NAV2: variants seen among roughly 807,000 people sequenced by gnomAD.
The protein encoded by NAV2 is neuron navigator 2.
Under a neutral mutation model 223.2 loss-of-function variants are expected in NAV2, and 54 were observed. The observed-to-expected ratio is 0.24, with a 90% CI of 0.19 to 0.30. The LOEUF is 0.30. NAV2 is among the 10% of genes least tolerant of loss of function. The pLI is 1.00. For missense variants in NAV2, 2,806 were observed against 3,147.5 expected, an observed-to-expected ratio of 0.89 and a Z score of 2.60; for synonymous variants, 1,279 against 1,239.3, an observed-to-expected ratio of 1.03 and a Z score of -0.67.
At chr11:19,699,462 A>G (rs1472113428) in intron 1 of NAV2, among the ~76,000 whole-genome samples, 2 of 151,896 alleles carry the variant, frequency 1.3e-5, no homozygotes, top group Admixed American at 1.3e-4. Flanking sequence ...TTACTTATGG[A>G]TTTTGAAGAG....
At position 19,945,569 on chromosome 11, in the gene NAV2, T is replaced by G. The variant is rs372080986; in HGVS notation, c.2147-832T>G. Among the ~76,000 whole-genome samples the G allele has an allele frequency of 2.2e-4, 34 of 152,318 alleles. 1 individual carries two copies. The South Asian group carries it at 6.8e-3, about 31-fold the overall frequency. On this transcript the variant is annotated intron_variant, in intron 8 of 37. Transcript: ENST00000349880. ...CATGTTTCCCAGGCTGGTCTTGAAC[T>G]CCTGGGCTCAAGCGATCTGCCCACT...
Position 20,045,641 on chromosome 11 carries a change from C to T in NAV2, c.3873C>T (p.Tyr1291=). ...AQTSLQPGAK[Y]PDVASPTLRR... is the part of the protein sequence containing the mutation. ...CCAGTCTCCAGCCTGGAGCCAAGTA[C>T]CCAGATGTGGCCTCTCCCACACTCC... The change falls in exon 14 of 38, where the codon TAC becomes TAT. Residue 1291 remains tyrosine, a synonymous_variant. Coordinates refer to ENST00000349880, the MANE Select transcript of NAV2 (RefSeq NM_145117.5). 1.9e-6 allele frequency: 3 copies of T among 1,614,084 alleles called. No homozygotes were observed. The highest frequency in any genetic ancestry group is 1.7e-6 in the Non-Finnish European group (2 of 1,179,974).
chr11:19,385,753 CTTTTTTTTTTTT>C (rs201669772), intron 1 of NAV2, among the ~76,000 whole-genome samples: 114 of 112,712 alleles, frequency 1.0e-3, no homozygotes, highest in Middle Eastern at 5.0e-3. Flanking sequence ...AATATAGCTC[CTTTTTTTTTTTT>C]TTTTTTTTTT....
At chr11:19,506,615 TAG>T (rs1389358706) in intron 1 of NAV2, 1 of 151,962 alleles carries the variant, frequency 6.6e-6, no homozygotes, top group Non-Finnish European at 1.5e-5. Context: ...GCCATATTTG[TAG>T]AGTTAGGAGT....
At chr11:19,655,251 A>G (rs867547659) in intron 1 of NAV2, among the ~76,000 whole-genome samples, 58 of 152,306 alleles carry the variant, frequency 3.8e-4, no homozygotes, top group Admixed American at 5.2e-4. Context: ...AACAGGTGCT[A>G]GAGAGGATGT....
chr11:19,614,887 T>A (rs1031352398), intron 1 of NAV2, among the ~76,000 whole-genome samples: 1 of 152,198 alleles, frequency 6.6e-6, no homozygotes, highest in African/African-American at 2.4e-5. Context: ...GTTTTCTGGA[T>A]CTTTTCCTTA....
chr11:19,770,715 A>T (rs1180008866), intron 1 of NAV2, among the ~76,000 whole-genome samples: 1 of 152,118 alleles, frequency 6.6e-6, no homozygotes, highest in African/African-American at 2.4e-5. Flanking sequence ...TCATTCATTC[A>T]TCCTGAAACT....
intron 2 of NAV2, among the ~76,000 whole-genome samples, chr11:19,840,486 A>G (rs997465453): frequency 1.3e-5 from 2 of 152,222 alleles, no homozygotes; most frequent in African/African-American, 2.4e-5. Flanking sequence ...CCTAATGCTG[A>G]ACTGGGTATT....
At chr11:19,505,873 G>A (rs961408121) in intron 1 of NAV2, 27 of 152,202 alleles carry the variant, frequency 1.8e-4, no homozygotes, top group African/African-American at 6.0e-4. Context: ...GGCAGCAAAG[G>A]TGAGACACAA....
At chr11:19,797,069 C>T (rs10833172) in intron 1 of NAV2, among the ~76,000 whole-genome samples, 2 of 151,914 alleles carry the variant, frequency 1.3e-5, no homozygotes, top group Non-Finnish European at 2.9e-5. Flanking sequence ...ACTGGCCCCC[C>T]ACACGGGTTT....
At chr11:19,735,320 G>T (rs1029046901) in intron 1 of NAV2, among the ~76,000 whole-genome samples, 1 of 152,174 alleles carries the variant, frequency 6.6e-6, no homozygotes, top group African/African-American at 2.4e-5. Flanking sequence ...CCAGAAAAAT[G>T]GGTGGTACTA....
chr11:19,407,596 T>G lies in NAV2; in HGVS notation c.75+56569T>G, dbSNP rs144926777. On this transcript the variant is annotated intron_variant, in intron 1 of 37. Transcript: ENST00000360655. Reference sequence around the variant, plus strand: ...ATTTTGGAGATATCTCTGTGGCTGCTGTGTAGAGACTGGAGCCAGCCACTG... The same window carrying G: ...ATTTTGGAGATATCTCTGTGGCTGCGGTGTAGAGACTGGAGCCAGCCACTG... Among the ~76,000 whole-genome samples the G allele has an allele frequency of 5.5e-3, 842 of 152,246 alleles. 14 individuals carry two copies. The highest frequency in any genetic ancestry group is 5.2e-3 in the Non-Finnish European group (353 of 68,000).
intron 12 of NAV2, among the ~76,000 whole-genome samples, chr11:20,042,219 A>T (rs1010296972): frequency 6.6e-6 from 1 of 152,252 alleles, no homozygotes; most frequent in African/African-American, 2.4e-5. Flanking sequence ...AGATAAAGAT[A>T]ACAGTACTTG....
chr11:19,859,996 C>T lies in NAV2; in HGVS notation c.439-8929C>T, dbSNP rs573102739. On this transcript the variant is annotated intron_variant, in intron 3 of 37. Transcript: ENST00000349880. Reference sequence around the variant, plus strand: ...ATGGGGCGGCTGGCCAGGCGGGGGGCTGACCCCCCCTCCCTCCCGGATGGG... The same window carrying T: ...ATGGGGCGGCTGGCCAGGCGGGGGGTTGACCCCCCCTCCCTCCCGGATGGG... Among the ~76,000 whole-genome samples, 10 of 107,004 alleles carry T rather than the reference C, an allele frequency of 9.3e-5. 2 individuals are homozygous for T. In the South Asian group the frequency reaches 2.7e-3, roughly 29 times the overall value. The allele number at this position is 107,004 out of a possible 152,430, so 70.2% of individuals were successfully genotyped here. A position where few individuals can be genotyped will look rare whatever the true frequency, so the allele number is the denominator to read the frequency against.
chr11:19,999,288 C>T (rs971754335), intron 11 of NAV2, among the ~76,000 whole-genome samples: 3 of 152,192 alleles, frequency 2.0e-5, no homozygotes, highest in African/African-American at 4.8e-5. Context: ...AACTTGCCTT[C>T]AAAAAAATCG....
At chr11:19,690,382 G>A (rs555595125) in intron 1 of NAV2, among the ~76,000 whole-genome samples, 1 of 152,314 alleles carries the variant, frequency 6.6e-6, no homozygotes, top group African/African-American at 2.4e-5. Context: ...GTTTCTGAGT[G>A]TTAACCAATT....
Position 20,078,004 on chromosome 11 carries a change from G to A in NAV2, c.5079G>A (p.Leu1693=). ...TTTCTGTTCCCTAGGACTCAGAACTGAATGAGTTAAGAAAAACCATTGAGC... is the reference window on the plus strand; with the variant it reads ...TTTCTGTTCCCTAGGACTCAGAACTAAATGAGTTAAGAAAAACCATTGAGC... ...TMTAEQKDSE[L]NELRKTIELL... is the part of the protein sequence containing the mutation. The change falls in exon 24 of 38, where the codon CTG becomes CTA. Residue 1693 remains leucine, a synonymous_variant. Coordinates refer to ENST00000349880, the MANE Select transcript of NAV2 (RefSeq NM_145117.5). The A allele has an allele frequency of 6.2e-7, 1 of 1,613,172 alleles. No homozygotes were observed. Among genetic ancestry groups the A allele is most frequent in the Non-Finnish European group, 8.5e-7 (1 of 1,179,282 alleles).
At chr11:19,428,568 CTTCT>C (rs1247949356) in intron 1 of NAV2, among the ~76,000 whole-genome samples, 1 of 152,278 alleles carries the variant, frequency 6.6e-6, no homozygotes, top group South Asian at 2.1e-4. Context: ...TGTGTTCTTC[CTTCT>C]AAGTCTTTTG....
intron 1 of NAV2, among the ~76,000 whole-genome samples, chr11:19,749,908 A>T (rs2053663303): frequency 6.6e-6 from 1 of 152,262 alleles, no homozygotes; most frequent in South Asian, 2.1e-4. Context: ...GGAGCAGAGC[A>T]TTCAGATACT....
Sources: gnomAD v4.1 joint callset for allele counts (sites outside exome capture counted in the v4.1 genomes callset) on GRCh38, gnomAD v4.1.1 for gene constraint, MANE v1.5 for transcripts, NCBI Gene and HGNC (gene_info 2026-07-23, HGNC 2026-07-21) for gene names.